Variants in TRPM2 observed in about 807,000 individuals in gnomAD.
TRPM2 encodes the protein estrogen-responsive element-associated gene 1 protein.
Under a neutral mutation model 174.0 loss-of-function variants are expected in TRPM2, and 161 were observed. The observed-to-expected ratio is 0.93, with a 90% confidence interval of 0.81 to 1.05. TRPM2 has a LOEUF of 1.05. Among genes scored for constraint, TRPM2 ranks in the 50% least tolerant of loss-of-function variants. The pLI is 0.00. For synonymous variants in TRPM2, 954 were observed against 861.3 expected (o/e 1.11, Z -1.88); for missense variants, 2,057 against 2,038.0 (o/e 1.01, Z -0.18).
chr21:44,359,803 A>G (rs1484308994), intron 2 of TRPM2, among the ~76,000 whole-genome samples: 4 of 151,242 alleles, frequency 2.6e-5, no homozygotes, highest in African/African-American at 4.9e-5. Flanking sequence ...GCTGGAGTGC[A>G]ATGGCCTGAT....
In TRPM2 at chr21:44,441,920, T is replaced by G; in HGVS notation, c.*103T>G. On this transcript the variant is annotated 3_prime_UTR_variant, in exon 32 of 32. Transcript: ENST00000397928. ...CAGGACTCAGGCTGTTCCTGGGCCC[T>G]GCACATGATGGGGTTTGGTGGACCC... The G allele has an allele frequency of 7.1e-7, 1 of 1,408,470 alleles. No homozygotes were observed. Among genetic ancestry groups the G allele is most frequent in the Non-Finnish European group, 9.3e-7 (1 of 1,075,970 alleles). 87.2% of individuals were successfully genotyped at this position (1,408,470 alleles called of 1,614,324 possible).
intron 27 of TRPM2, 141 bp downstream of exon 27, chr21:44,427,252 A>G (rs934933835): frequency 1.1e-5 from 8 of 741,788 alleles, no homozygotes; most frequent in African/African-American, 3.6e-5. Flanking sequence ...GGAAGAAAAC[A>G]TCAACTCACT....
chr21:44,405,204 C>G lies in TRPM2; in HGVS notation c.2601C>G (p.Phe867Leu). ...MKKAALYFSD[F>L]WNKLDVGAIL... The stretch of plus-strand genomic sequence containing the variant: ...AGGCAGCCTTGTACTTCAGTGACTT[C>G]TGGAATAAGCTGGACGTCGGCGCAA... The change falls in exon 17 of 32, where the codon TTC becomes TTG. Residue 867 changes from phenylalanine to leucine, a missense_variant. Transcript: ENST00000397928. 3 of 1,613,498 alleles carry G rather than the reference C, an allele frequency of 1.9e-6. No individual in the cohort carries two copies. The highest frequency in any genetic ancestry group is 2.5e-6 in the Non-Finnish European group (3 of 1,179,972).
chr21:44,437,925 G>A lies in TRPM2; in HGVS notation c.4167+758G>A, dbSNP rs111768047. Among the ~76,000 whole-genome samples, 6 of 152,358 alleles carry A rather than the reference G, an allele frequency of 3.9e-5. 2 individuals are homozygous for A. The highest frequency in any genetic ancestry group is 1.4e-4 in the African/African-American group (6 of 41,578). ...CTCTGGGGTACAGCCTGCCCCGCAGGGCCTCTCCTCTGCACCTGATCCGGG... is the reference window on the plus strand; with the variant it reads ...CTCTGGGGTACAGCCTGCCCCGCAGAGCCTCTCCTCTGCACCTGATCCGGG... On this transcript the variant is annotated intron_variant, in intron 29 of 31. Coordinates refer to ENST00000397928, the MANE Select transcript of TRPM2 (RefSeq NM_003307.4).
chr21:44,425,812 G>A lies in TRPM2; in HGVS notation c.3780G>A (p.Glu1260=). Residue 1260 remains glutamate (E), a synonymous_variant, in exon 25 of 32, where the codon GAG becomes GAA. Coordinates refer to ENST00000397928, the MANE Select transcript of TRPM2 (RefSeq NM_003307.4). The part of the protein sequence containing the change: ...CPVTRFPVPN[E]KVPWETEFLI... ...TCACGCGCTTCCCCGTGCCCAACGA[G>A]AAGGTGCCCTGGGAGGTGAGCGCCT... The A allele has an allele frequency of 6.3e-7, 1 of 1,577,090 alleles. No homozygotes were observed. Among genetic ancestry groups the A allele is most frequent in the Non-Finnish European group, 8.7e-7 (1 of 1,153,282 alleles).
Position 44,367,480 on chromosome 21 carries a change from G to A in TRPM2, c.604+546G>A, listed in dbSNP as rs77662683. Among the ~76,000 whole-genome samples the A allele has an allele frequency of 0.016, 2,368 of 152,326 alleles. 50 individuals carry two copies. Among genetic ancestry groups the A allele is most frequent in the African/African-American group, 0.054 (2,240 of 41,572 alleles). On this transcript the variant is annotated intron_variant, in intron 4 of 31. Transcript: ENST00000397928. The surrounding 1 kb of genome is among the most constrained non-coding windows in gnomAD (Gnocchi z 4.6). ...TGGTTGGAGTCAAATCACCTCCCAA[G>A]GTTGCACCACTGGTGAGAGCCAGGC...
intron 11 of TRPM2, among the ~76,000 whole-genome samples, chr21:44,395,210 G>A (rs1409963162): frequency 1.3e-5 from 2 of 152,232 alleles, no homozygotes; most frequent in Non-Finnish European, 2.9e-5. Context: ...CTTTCTAGAT[G>A]TCTCCAGAAC....
chr21:44,389,647 G>A (rs2049113984), intron 9 of TRPM2, among the ~76,000 whole-genome samples: 1 of 152,172 alleles, frequency 6.6e-6, no homozygotes. Context: ...GACTACTGAT[G>A]TGGAGCATCA....
At position 44,438,700 on chromosome 21, in the gene TRPM2, C is replaced by A. The variant is rs1234230233; in HGVS notation, c.4168-367C>A. ...CAAACAGGGAACCCGCCGTGGCAGC[C>A]TGCTGCACTGGGCGGGAGCTGGGAG... is the stretch of plus-strand genomic sequence containing the variant. On this transcript the variant is annotated intron_variant, in intron 29 of 31. Coordinates refer to ENST00000397928, the MANE Select transcript of TRPM2 (RefSeq NM_003307.4). The surrounding 1 kb of genome is among the most constrained non-coding windows in gnomAD (Gnocchi z 5.9). Among the ~76,000 whole-genome samples, 4 of 152,154 alleles carry A rather than the reference C, an allele frequency of 2.6e-5. No homozygotes were observed. Among genetic ancestry groups the A allele is most frequent in the African/African-American group, 9.7e-5 (4 of 41,436 alleles).
chr21:44,354,520 G>T lies in TRPM2; in HGVS notation c.166-128G>T, dbSNP rs758173448. On this transcript the variant is annotated intron_variant, in intron 1 of 31. Coordinates refer to ENST00000397928, the MANE Select transcript of TRPM2 (RefSeq NM_003307.4). This position sits in a 1 kb window ranked among gnomAD's most constrained non-coding sequence, Gnocchi z 4.3. ...AGGTGCTTCTAATCTTTGGCTCAGG[G>T]TCGCGCAGGCTTCCTTCCTTCAAGC... 1.5e-5 allele frequency: 11 copies of T among 758,316 alleles called. No homozygotes were observed. The highest frequency in any genetic ancestry group is 2.2e-5 in the Admixed American group (1 of 45,268). 47.0% of individuals were successfully genotyped at this position (758,316 alleles called of 1,614,324 possible).
chr21:44,417,370 ATCACAGTGGGCACG>A (rs2050335109), intron 20 of TRPM2, among the ~76,000 whole-genome samples: 1 of 76,430 alleles, frequency 1.3e-5, no homozygotes, highest in Non-Finnish European at 2.5e-5. Flanking sequence ...GCTCTCTGGC[ATCACAGTGGGCACG>A]TGGGCGTGGC....
chr21:44,364,637 G>A (rs1040924233), intron 3 of TRPM2, among the ~76,000 whole-genome samples: 12 of 152,098 alleles, frequency 7.9e-5, no homozygotes, highest in Non-Finnish European at 1.0e-4. Flanking sequence ...ACACAGATGC[G>A]CTCAGGGTGT....
rs1420080290 is a variant in TRPM2, at chr21:44,366,242, C to G, written c.424-512C>G. 1.4e-5 allele frequency among the ~76,000 whole-genome samples: 2 copies of G among 142,316 alleles called. No individual in the cohort carries two copies. The highest frequency in any genetic ancestry group is 5.4e-5 in the African/African-American group (2 of 36,780). 93.4% of individuals were successfully genotyped at this position (142,316 alleles called of 152,430 possible). A position where few individuals can be genotyped will look rare whatever the true frequency, so the allele number is the denominator to read the frequency against. On this transcript the variant is annotated intron_variant, in intron 3 of 31. Transcript: ENST00000397928. This position sits in a 1 kb window ranked among gnomAD's most constrained non-coding sequence, Gnocchi z 6.0. ...GGGCCAGGGCACAGGGGCCACAGAGCAGAGGGGATAGGGCAGAGGGGACAG... is the reference window on the plus strand; with the variant it reads ...GGGCCAGGGCACAGGGGCCACAGAGGAGAGGGGATAGGGCAGAGGGGACAG...
At position 44,414,016 on chromosome 21, in the gene TRPM2, T is replaced by G; in HGVS notation, c.3088T>G (p.Cys1030Gly). 6.2e-7 allele frequency: 1 copy of G among 1,613,458 alleles called. No homozygotes were observed. The highest frequency in any genetic ancestry group is 8.5e-7 in the Non-Finnish European group (1 of 1,179,900). ...FPEWLTVLLL[C>G]LYLLFTNILL... Reference sequence around the variant, plus strand: ...TGAGTGGCTGACGGTCCTCCTACTCTGCCTCTACCTGCTCTTCACCAACAT... The same window carrying G: ...TGAGTGGCTGACGGTCCTCCTACTCGGCCTCTACCTGCTCTTCACCAACAT... Residue 1030 changes from cysteine (C) to glycine (G), a missense_variant, in exon 20 of 32, where the codon TGC becomes GGC. Transcript: ENST00000397928.
At position 44,413,873 on chromosome 21, in the gene TRPM2, C is replaced by T; in HGVS notation, c.2963-18C>T. On this transcript the variant is annotated intron_variant, in intron 19 of 31. Transcript: ENST00000397928. The stretch of plus-strand genomic sequence containing the variant: ...TGTGTTGTTTTCTTGGCTCACCCAC[C>T]CCCATTCCCAACGCCAGGTGTGAAC... The T allele has an allele frequency of 3.1e-6, 5 of 1,602,970 alleles. No homozygotes were observed. Among genetic ancestry groups the T allele is most frequent in the Non-Finnish European group, 3.4e-6 (4 of 1,171,260 alleles).
Position 44,376,580 on chromosome 21 carries a change from C to T in TRPM2, c.952+567C>T, listed in dbSNP as rs1569033858. ...TTTTAAACCTTGATCATGGTCTGCT[C>T]TCAGGTTCAGAAATCAGAATGTACG... On this transcript the variant is annotated intron_variant, in intron 6 of 31. Transcript: ENST00000397928. The surrounding 1 kb of genome is among the most constrained non-coding windows in gnomAD (Gnocchi z 4.2). 1.3e-5 allele frequency among the ~76,000 whole-genome samples: 2 copies of T among 152,192 alleles called. No homozygotes were observed. The highest frequency in any genetic ancestry group is 6.5e-5 in the Admixed American group (1 of 15,278).
chr21:44,399,168 C>A lies in TRPM2; in HGVS notation c.2063-128C>A. ...GGCCTGGGTGTTTTGAGACACCAGC[C>A]CCACATTTGCCCTGTGCCCTTCCCT... On this transcript the variant is annotated intron_variant, in intron 13 of 31. Transcript: ENST00000397928. The surrounding 1 kb of genome is among the most constrained non-coding windows in gnomAD (Gnocchi z 4.6). 7.9e-7 allele frequency: 1 copy of A among 1,259,812 alleles called. No individual in the cohort carries two copies. The highest frequency in any genetic ancestry group is 2.3e-4 in the Middle Eastern group (1 of 4,306). 78.0% of individuals were successfully genotyped at this position (1,259,812 alleles called of 1,614,324 possible). A position where few individuals can be genotyped will look rare whatever the true frequency, so the allele number is the denominator to read the frequency against.
chr21:44,401,382 C>T (rs1199540856), intron 15 of TRPM2, among the ~76,000 whole-genome samples: 1 of 152,168 alleles, frequency 6.6e-6, no homozygotes, highest in Non-Finnish European at 1.5e-5. Flanking sequence ...GGCTGGGCCT[C>T]CCTGTTTGCA....
At position 44,399,848 on chromosome 21, in the gene TRPM2, GC is replaced by G. The variant is rs1467074920; in HGVS notation, c.2208+408del. 6.6e-6 allele frequency among the ~76,000 whole-genome samples: 1 copy of G among 152,166 alleles called. No individual in the cohort carries two copies. Among genetic ancestry groups the G allele is most frequent in the Non-Finnish European group, 1.5e-5 (1 of 68,012 alleles). On this transcript the variant is annotated intron_variant, in intron 14 of 31. Coordinates refer to ENST00000397928, the MANE Select transcript of TRPM2 (RefSeq NM_003307.4). The surrounding 1 kb of genome is among the most constrained non-coding windows in gnomAD (Gnocchi z 4.6). ...CCTCAGCATCGCCCTGGAACCCCCG[GC>G]AGGGCCTGGCTCCCAGCGAGTGCCC...
Sources: allele counts gnomAD v4.1 joint callset (sites outside exome capture counted in the v4.1 genomes callset), GRCh38; gene constraint gnomAD v4.1.1; non-coding constraint Gnocchi (gnomAD v3.1); transcripts MANE v1.5; gene names NCBI Gene and HGNC (gene_info 2026-07-23, HGNC 2026-07-21).